LDLRAD4: variants seen among roughly 807,000 people sequenced by gnomAD.
The protein encoded by LDLRAD4 is low-density lipoprotein receptor class A domain-containing protein 4.
In LDLRAD4, 5 loss-of-function variants were observed where a neutral mutation model predicts 17.0. That is an observed-to-expected ratio of 0.29 (90% confidence interval 0.15 to 0.62). LDLRAD4 has a LOEUF of 0.62. LDLRAD4 is among the 20% of genes least tolerant of loss of function. The pLI is 0.84. For synonymous variants in LDLRAD4, 168 were observed against 171.8 expected (o/e 0.98, Z 0.17); for missense variants, 340 against 424.7 (o/e 0.80, Z 1.75).
intron 3 of LDLRAD4, among the ~76,000 whole-genome samples, chr18:13,444,678 G>A (rs1420572239): frequency 6.6e-6 from 1 of 152,222 alleles, no homozygotes; most frequent in Non-Finnish European, 1.5e-5. Flanking sequence ...TATGAGCATG[G>A]CTGCCAGGTG....
chr18:13,405,961 C>T (rs2087701516), intron 2 of LDLRAD4, among the ~76,000 whole-genome samples: 1 of 152,160 alleles, frequency 6.6e-6, no homozygotes. Context: ...TTCCTAAGTC[C>T]GTTTCTTTAA....
intron 1 of LDLRAD4, among the ~76,000 whole-genome samples, chr18:13,333,112 A>T (rs1048078590): frequency 1.3e-5 from 2 of 152,092 alleles, no homozygotes; most frequent in East Asian, 3.9e-4. Context: ...GGCCATTCTA[A>T]TAGGTGCGTA....
intron 3 of LDLRAD4, among the ~76,000 whole-genome samples, chr18:13,565,653 A>G (rs933389854): frequency 2.6e-5 from 4 of 152,206 alleles, no homozygotes; most frequent in Admixed American, 2.6e-4. Flanking sequence ...GCAGACAGAC[A>G]AAAGGGTTCT....
intron 1 of LDLRAD4, among the ~76,000 whole-genome samples, chr18:13,330,334 T>C (rs2081787373): frequency 6.6e-6 from 1 of 152,136 alleles, no homozygotes; most frequent in Admixed American, 6.5e-5. Context: ...GCTTGTCTAG[T>C]TTTCAAAAAT....
intron 3 of LDLRAD4, among the ~76,000 whole-genome samples, chr18:13,571,593 T>C (rs1024306722): frequency 3.3e-5 from 5 of 152,206 alleles, no homozygotes; most frequent in Admixed American, 3.3e-4. Context: ...CAGTGTTGCT[T>C]TGGATTCTGA....
chr18:13,500,924 C>T (rs2093603515), intron 3 of LDLRAD4: 1 of 152,222 alleles, frequency 6.6e-6, no homozygotes, highest in South Asian at 2.1e-4. Flanking sequence ...AATTATTCTA[C>T]ATTTTCAAAT....
At chr18:13,407,713 G>A (rs1288643594) in intron 2 of LDLRAD4, among the ~76,000 whole-genome samples, 1 of 152,334 alleles carries the variant, frequency 6.6e-6, no homozygotes, top group East Asian at 1.9e-4. Flanking sequence ...CTGAGAAAGG[G>A]AGCCAGGAGC....
At chr18:13,332,391 A>G (rs181922018) in intron 1 of LDLRAD4, among the ~76,000 whole-genome samples, 114 of 152,338 alleles carry the variant, frequency 7.5e-4, no homozygotes, top group African/African-American at 2.5e-3. Flanking sequence ...GTTACAATTA[A>G]TGAGCCCATA....
chr18:13,610,129 T>C (rs1256038344), intron 3 of LDLRAD4, among the ~76,000 whole-genome samples: 1 of 152,112 alleles, frequency 6.6e-6, no homozygotes, highest in Non-Finnish European at 1.5e-5. Flanking sequence ...ATTTTCTTTT[T>C]TTATATATGA....
At chr18:13,330,831 G>A (rs8094197) in intron 1 of LDLRAD4, among the ~76,000 whole-genome samples, 62,339 of 151,942 alleles carry the variant, frequency 0.41, 14,440 homozygotes, top group African/African-American at 0.64. Context: ...GGGAGAACAG[G>A]TGAAGGTTAA....
At chr18:13,238,021 T>G (rs1035121958) in intron 1 of LDLRAD4, among the ~76,000 whole-genome samples, 1 of 152,160 alleles carries the variant, frequency 6.6e-6, no homozygotes, top group East Asian at 1.9e-4. Context: ...TTGGGCTGAT[T>G]GTGAAGGAAA....
chr18:13,313,593 G>A lies in LDLRAD4; in HGVS notation c.-383+35405G>A, dbSNP rs367988935. On this transcript the variant is annotated intron_variant, in intron 1 of 5. Coordinates refer to ENST00000359446, the Ensembl canonical transcript of LDLRAD4. The stretch of plus-strand genomic sequence containing the variant: ...CTGCCTTCCCCCGCCACCGTCCCCC[G>A]CACGGGGAACTCAAGTTAGGCTTCT... 7.3e-5 allele frequency among the ~76,000 whole-genome samples: 11 copies of A among 151,058 alleles called. No homozygotes were observed. The South Asian group carries it at 1.1e-3, about 15-fold the overall frequency.
intron 1 of LDLRAD4, among the ~76,000 whole-genome samples, chr18:13,264,276 A>G (rs1487931855): frequency 6.6e-6 from 1 of 152,240 alleles, no homozygotes; most frequent in Non-Finnish European, 1.5e-5. Flanking sequence ...GTCAACGGCC[A>G]GTGAAGCTGG....
Position 13,461,218 on chromosome 18 carries a change from C to G in LDLRAD4, c.181+22834C>G, listed in dbSNP as rs574220668. ...CGCGTGCTGGGCTAGTACAGAAGATCGGTAGGCAGGGGTCTTCGTGGCCAG... is the reference window on the plus strand; with the variant it reads ...CGCGTGCTGGGCTAGTACAGAAGATGGGTAGGCAGGGGTCTTCGTGGCCAG... On this transcript the variant is annotated intron_variant, in intron 3 of 5. Transcript: ENST00000359446. 5.9e-5 allele frequency: 9 copies of G among 152,466 alleles called. 1 individual carries two copies. Among genetic ancestry groups the G allele is most frequent in the Admixed American group, 2.6e-4 (4 of 15,312 alleles). The allele number at this position is 152,466 out of a possible 1,614,324, so 9.4% of individuals were successfully genotyped here.
At chr18:13,487,397 A>G (rs1000340202) in intron 3 of LDLRAD4, 6 of 152,286 alleles carry the variant, frequency 3.9e-5, no homozygotes, top group African/African-American at 1.4e-4. Flanking sequence ...CCATGTGGCC[A>G]GACCAGGAAG....
chr18:13,493,624 C>T (rs1355147244), intron 3 of LDLRAD4, among the ~76,000 whole-genome samples: 1 of 152,236 alleles, frequency 6.6e-6, no homozygotes, highest in African/African-American at 2.4e-5. Context: ...GGCATCGTTT[C>T]ATTAAGGCAT....
chr18:13,578,189 C>T (rs2148415165), intron 3 of LDLRAD4, among the ~76,000 whole-genome samples: 2 of 152,278 alleles, frequency 1.3e-5, no homozygotes, highest in South Asian at 4.1e-4. Context: ...ACCCCTGAAG[C>T]TCATCCGTGG....
At chr18:13,397,804 T>C (rs1264912708) in intron 2 of LDLRAD4, among the ~76,000 whole-genome samples, 1 of 152,244 alleles carries the variant, frequency 6.6e-6, no homozygotes, top group Non-Finnish European at 1.5e-5. Flanking sequence ...GTCTATCATC[T>C]ACACTCATTT....
intron 3 of LDLRAD4, among the ~76,000 whole-genome samples, chr18:13,592,281 C>T (rs1166815019): frequency 6.6e-6 from 1 of 152,242 alleles, no homozygotes; most frequent in African/African-American, 2.4e-5. Context: ...TATAAATACA[C>T]ACGTATTGTA....
Sources: allele counts gnomAD v4.1 joint callset (sites outside exome capture counted in the v4.1 genomes callset), GRCh38; gene constraint gnomAD v4.1.1; transcripts MANE v1.5; gene names NCBI Gene and HGNC (gene_info 2026-07-23, HGNC 2026-07-21).